HSPG2: variants seen among roughly 807,000 people sequenced by gnomAD.
HSPG2 encodes the protein heparan sulfate proteoglycan 2.
Under a neutral mutation model 526.6 loss-of-function variants are expected in HSPG2, and 278 were observed. The ratio of observed to expected loss-of-function variants is 0.53; its 90% confidence interval spans 0.48 to 0.58. The LOEUF (loss-of-function observed/expected upper bound fraction) is 0.58, where lower values mean the gene tolerates loss of function less well. Among genes scored for constraint, HSPG2 ranks in the 20% least tolerant of loss-of-function variants. HSPG2 has a pLI of 0.00. For missense variants in HSPG2, 5,354 were observed against 6,099.5 expected (o/e 0.88, Z 4.07); for synonymous variants, 2,465 against 2,555.4 (o/e 0.96, Z 1.07).
At chr1:21,846,922 C>T (rs1035279562) in intron 62 of HSPG2, among the ~76,000 whole-genome samples, 1 of 152,112 alleles carries the variant, frequency 6.6e-6, no homozygotes, top group African/African-American at 2.4e-5. Flanking sequence ...ATCGCTTGAA[C>T]CTGGAAGGCG....
In HSPG2 at chr1:21,831,020, C is replaced by T. The variant is rs1003490205; in HGVS notation, c.11633G>A (p.Ser3878Asn). Residue 3878 changes from serine to asparagine, a missense_variant, in exon 85 of 97, where the codon AGC becomes AAC. Transcript: ENST00000374695. ...VCVCPAGFTG[S>N]RCEHSQALHC... ...CAGGGCCTGCGAGTGCTCACAGCGG[C>T]TCCCGGTGAAGCCAGCTGGGCAGAC... 3 of 1,590,758 alleles carry T rather than the reference C, an allele frequency of 1.9e-6. No individual in the cohort carries two copies. Among genetic ancestry groups the T allele is most frequent in the Non-Finnish European group, 2.6e-6 (3 of 1,168,852 alleles).
In HSPG2 at chr1:21,840,983, C is replaced by G. The variant is rs2098046090; in HGVS notation, c.9513+118G>C. 6 of 884,630 alleles carry G rather than the reference C, an allele frequency of 6.8e-6. No homozygotes were observed. In the South Asian group the frequency reaches 8.8e-5, roughly 13 times the overall value. 54.8% of individuals were successfully genotyped at this position (884,630 alleles called of 1,614,324 possible). ...TCCACCCATCCCATCCCATTCCTCC[C>G]TTCCTCTCTCCATCCACTCATCACC... On this transcript the variant is annotated intron_variant, in intron 71 of 96. Coordinates refer to ENST00000374695, the MANE Select transcript of HSPG2 (RefSeq NM_005529.7).
At chr1:21,862,577 C>A in intron 37 of HSPG2, among the ~76,000 whole-genome samples, 1 of 88,410 alleles carries the variant, frequency 1.1e-5, no homozygotes. Flanking sequence ...GAGCGAGACT[C>A]CATCTCAAAA....
At chr1:21,869,510 A>G in intron 33 of HSPG2, 1 of 987,970 alleles carries the variant, frequency 1.0e-6, no homozygotes, top group Non-Finnish European at 1.2e-6. Context: ...GAAGAGGAGG[A>G]GGAGGAGGAA....
At chr1:21,857,823 C>T (rs771185491) in intron 42 of HSPG2, among the ~76,000 whole-genome samples, 8 of 152,148 alleles carry the variant, frequency 5.3e-5, no homozygotes, top group Non-Finnish European at 7.3e-5. Context: ...AAAATAGAAA[C>T]GACAAGTCAG....
chr1:21,878,923 TGCCC>T (rs2152752135), intron 18 of HSPG2, 67 bp downstream of exon 18: 1 of 1,557,010 alleles, frequency 6.4e-7, no homozygotes, highest in African/African-American at 1.3e-5. Context: ...CCTGCCTCCC[TGCCC>T]AGAATATTCT....
chr1:21,895,912 A>G lies in HSPG2; in HGVS notation c.244+10T>C. 6.2e-7 allele frequency: 1 copy of G among 1,613,884 alleles called. No homozygotes were observed. Among genetic ancestry groups the G allele is most frequent in the Non-Finnish European group, 8.5e-7 (1 of 1,179,840 alleles). ...GGAGGGAGACCTGCAGGAGGCCTGC[A>G]GCAACTTACCCATCTGGAAGTCCCC... On this transcript the variant is annotated intron_variant, in intron 3 of 96. Coordinates refer to ENST00000374695, the MANE Select transcript of HSPG2 (RefSeq NM_005529.7). This position sits in a 1 kb window ranked among gnomAD's most constrained non-coding sequence, Gnocchi z 4.1.
Position 21,823,191 on chromosome 1 carries a change from C to T in HSPG2, c.*125G>A, listed in dbSNP as rs1186294653. Reference sequence around the variant, plus strand: ...TGCCCACCTCCAGTCCAGCCCAGGGCGGTAGCAGCAAAGCGTGGCATCGCC... The same window carrying T: ...TGCCCACCTCCAGTCCAGCCCAGGGTGGTAGCAGCAAAGCGTGGCATCGCC... On this transcript the variant is annotated 3_prime_UTR_variant, in exon 97 of 97. Transcript: ENST00000374695. 34 of 943,288 alleles carry T rather than the reference C, an allele frequency of 3.6e-5. No individual in the cohort carries two copies. Among genetic ancestry groups the T allele is most frequent in the Non-Finnish European group, 5.1e-5 (34 of 672,812 alleles). The allele number at this position is 943,288 out of a possible 1,614,324, so 58.4% of individuals were successfully genotyped here. A position where few individuals can be genotyped will look rare whatever the true frequency, so the allele number is the denominator to read the frequency against.
chr1:21,921,908 C>T (rs376336712), intron 1 of HSPG2, among the ~76,000 whole-genome samples: 2 of 152,142 alleles, frequency 1.3e-5, no homozygotes, highest in Non-Finnish European at 2.9e-5. Flanking sequence ...CACCTTGCTC[C>T]CCTCCCAACA....
chr1:21,924,126 C>T (rs545253553), intron 1 of HSPG2, among the ~76,000 whole-genome samples: 2 of 152,322 alleles, frequency 1.3e-5, no homozygotes, highest in South Asian at 4.1e-4. Context: ...TCTCCTTCAT[C>T]TGCTTCCCTA....
At position 21,865,105 on chromosome 1, in the gene HSPG2, A is replaced by G. The variant is rs903828242; in HGVS notation, c.4396-32T>C. The G allele has an allele frequency of 1.2e-5, 19 of 1,554,104 alleles. No homozygotes were observed. Among genetic ancestry groups the G allele is most frequent in the Non-Finnish European group, 1.5e-5 (17 of 1,147,090 alleles). ...TGGGGGTGGCAACGTGGGCGGGGGC[A>G]GTGGGCTTTGTGGGCTGCTCCTACA... On this transcript the variant is annotated intron_variant, in intron 35 of 96. Transcript: ENST00000374695. This position sits in a 1 kb window ranked among gnomAD's most constrained non-coding sequence, Gnocchi z 5.4.
Position 21,851,403 on chromosome 1 carries a change from G to T in HSPG2, c.7158+143C>A, listed in dbSNP as rs1033587593. The stretch of plus-strand genomic sequence containing the variant: ...CCAGGTTAGTCAGTCCTAGATTCTG[G>T]TTTCTAACCACTGCACTATACATCT... On this transcript the variant is annotated intron_variant, in intron 55 of 96. Transcript: ENST00000374695. The T allele has an allele frequency of 2.8e-5, 34 of 1,234,950 alleles. No individual in the cohort carries two copies. In the African/African-American group the frequency reaches 4.3e-4, roughly 16 times the overall value. The allele number at this position is 1,234,950 out of a possible 1,614,324, so 76.5% of individuals were successfully genotyped here. A position where few individuals can be genotyped will look rare whatever the true frequency, so the allele number is the denominator to read the frequency against.
intron 44 of HSPG2, among the ~76,000 whole-genome samples, chr1:21,856,326 T>A (rs1245322684): frequency 6.6e-6 from 1 of 152,142 alleles, no homozygotes; most frequent in Non-Finnish European, 1.5e-5. Context: ...ATGCCTACCT[T>A]TCCTTCAGGT....
At chr1:21,868,027 G>A (rs1359356266) in intron 33 of HSPG2, among the ~76,000 whole-genome samples, 1 of 150,888 alleles carries the variant, frequency 6.6e-6, no homozygotes, top group Non-Finnish European at 1.5e-5. Context: ...ACCGCACCCA[G>A]CCAGGAAGCT....
intron 1 of HSPG2, among the ~76,000 whole-genome samples, chr1:21,922,971 A>C (rs1339623651): frequency 6.6e-6 from 1 of 151,338 alleles, no homozygotes; most frequent in Non-Finnish European, 1.5e-5. Flanking sequence ...CCCCACCCCG[A>C]CCCCAGAAGG....
At chr1:21,870,429 G>T (rs1428835347) in intron 33 of HSPG2, 5 of 306,838 alleles carry the variant, frequency 1.6e-5, no homozygotes, top group Non-Finnish European at 2.4e-5. Context: ...CACTAATTAG[G>T]AAGAAAGATG....
In HSPG2 at chr1:21,879,002, G is replaced by A. The variant is rs762658095; in HGVS notation, c.2463C>T (p.Ala821=). ...CCGGAGCTGGGGCTGACCTGCGGGA[G>A]GCATCGATGTATGGGCAAGGGCAGG... is the stretch of plus-strand genomic sequence containing the variant. ...CRPCPCPYID[A]SRRFSDTCFL... Residue 821 remains alanine (A), a synonymous_variant, in exon 18 of 97, where the codon GCC becomes GCT. Transcript: ENST00000374695. 6.2e-7 allele frequency: 1 copy of A among 1,613,846 alleles called. No individual in the cohort carries two copies. Among genetic ancestry groups the A allele is most frequent in the Non-Finnish European group, 8.5e-7 (1 of 1,179,888 alleles).
rs1471972653 is a variant in HSPG2, at chr1:21,864,789, CT to C, written c.4626+53del. On this transcript the variant is annotated intron_variant, in intron 36 of 96. Transcript: ENST00000374695. The surrounding 1 kb of genome is among the most constrained non-coding windows in gnomAD (Gnocchi z 4.8). ...GGCTGCGGCGACGCCGGCTGATTTG[CT>C]TGCTGATGCCTCTGTGCCTGTGCAG... 1 of 1,474,304 alleles carries C rather than the reference CT, an allele frequency of 6.8e-7. No homozygotes were observed. Among genetic ancestry groups the C allele is most frequent in the African/African-American group, 1.4e-5 (1 of 72,126 alleles). The allele number at this position is 1,474,304 out of a possible 1,614,324, so 91.3% of individuals were successfully genotyped here.
At chr1:21,831,932 C>A (rs189861206) in intron 81 of HSPG2, 136 bp from the exon 82 acceptor site, 5 of 911,648 alleles carry the variant, frequency 5.5e-6, no homozygotes, top group African/African-American at 3.3e-5. Context: ...GGGCTGTTCC[C>A]GTTCCTGTCC....
Sources: allele counts gnomAD v4.1 joint callset (sites outside exome capture counted in the v4.1 genomes callset), GRCh38; gene constraint gnomAD v4.1.1; non-coding constraint Gnocchi (gnomAD v3.1); transcripts MANE v1.5; gene names NCBI Gene and HGNC (gene_info 2026-07-23, HGNC 2026-07-21).